The following NEBL variants were observed in gnomAD, a reference collection of about 807,000 sequenced individuals.
NEBL encodes nebulette.
In NEBL, 122 loss-of-function variants were observed where a neutral mutation model predicts 140.2. The observed-to-expected ratio is 0.87, with a 90% CI of 0.75 to 1.01. The LOEUF (loss-of-function observed/expected upper bound fraction) is 1.01. Ranked by LOEUF, NEBL falls within the 50% of genes least tolerant of loss-of-function variation. NEBL has a pLI of 0.00. For missense variants in NEBL, 1,365 were observed against 1,231.3 expected (o/e 1.11, Z -1.62); for synonymous variants, 436 against 398.9 (o/e 1.09, Z -1.11).
At chr10:21,253,059 C>T (rs1380083065) in intron 1 of NEBL, among the ~76,000 whole-genome samples, 4 of 152,096 alleles carry the variant, frequency 2.6e-5, no homozygotes, top group Non-Finnish European at 5.9e-5. Context: ...CGCAAGAGTT[C>T]GAGACCAGTC....
intron 3 of NEBL, among the ~76,000 whole-genome samples, chr10:21,197,174 C>T (rs1307519099): frequency 6.6e-6 from 1 of 152,190 alleles, no homozygotes; most frequent in East Asian, 1.9e-4. Flanking sequence ...CTAGCCATGG[C>T]ACTGAGCCCT....
chr10:21,007,884 T>C (rs1357980916), intron 3 of NEBL, among the ~76,000 whole-genome samples: 1 of 152,210 alleles, frequency 6.6e-6, no homozygotes, highest in Non-Finnish European at 1.5e-5. Context: ...TTACAGTTTT[T>C]CACATTCGCT....
At chr10:20,822,359 A>G (rs924147131) in intron 19 of NEBL, among the ~76,000 whole-genome samples, 39 of 151,916 alleles carry the variant, frequency 2.6e-4, no homozygotes, top group Non-Finnish European at 5.9e-5. Flanking sequence ...CTATCTATCT[A>G]TAGGTCTATC....
At chr10:20,999,273 A>G (rs183306568) in intron 3 of NEBL, among the ~76,000 whole-genome samples, 1 of 152,226 alleles carries the variant, frequency 6.6e-6, no homozygotes, top group African/African-American at 2.4e-5. Flanking sequence ...GAAGACCTGC[A>G]GTGATGCTAT....
At chr10:21,103,948 C>G (rs1325161888) in intron 2 of NEBL, among the ~76,000 whole-genome samples, 4 of 152,084 alleles carry the variant, frequency 2.6e-5, no homozygotes, top group African/African-American at 9.7e-5. Context: ...TGATATGTTT[C>G]AAGTTAATTC....
At chr10:20,895,934 C>T (rs1156709062) in intron 2 of NEBL, among the ~76,000 whole-genome samples, 3 of 152,122 alleles carry the variant, frequency 2.0e-5, no homozygotes, top group Admixed American at 6.6e-5. Flanking sequence ...ATAAATGTTA[C>T]AGCTGAGGGA....
chr10:21,280,474 T>A (rs1384763273), intron 1 of NEBL, among the ~76,000 whole-genome samples: 1 of 151,828 alleles, frequency 6.6e-6, no homozygotes, highest in Non-Finnish European at 1.5e-5. Flanking sequence ...AAAAGGCAGA[T>A]AGGAAGGTGG....
At chr10:21,203,718 C>T (rs957282796) in intron 3 of NEBL, among the ~76,000 whole-genome samples, 1 of 152,176 alleles carries the variant, frequency 6.6e-6, no homozygotes, top group Non-Finnish European at 1.5e-5. Flanking sequence ...GATGGCCCCT[C>T]GAAAAGGACA....
intron 4 of NEBL, among the ~76,000 whole-genome samples, chr10:20,929,296 G>A (rs1262712892): frequency 6.6e-6 from 1 of 151,572 alleles, no homozygotes; most frequent in Non-Finnish European, 1.5e-5. Context: ...ACTGATTAAA[G>A]GAACTTCAAT....
intron 4 of NEBL, among the ~76,000 whole-genome samples, chr10:20,911,101 T>C (rs1436508723): frequency 6.6e-6 from 1 of 151,826 alleles, no homozygotes; most frequent in Admixed American, 6.6e-5. Flanking sequence ...GAGGTGGAGG[T>C]TGCAGTGAGC....
intron 7 of NEBL, 150 bp downstream of exon 7, chr10:20,868,514 T>C (rs1844556223): frequency 1.5e-6 from 1 of 672,434 alleles, no homozygotes; most frequent in Non-Finnish European, 2.7e-6. Flanking sequence ...AAATTCATAA[T>C]GATTGCAAGC....
intron 1 of NEBL, among the ~76,000 whole-genome samples, chr10:21,271,004 A>G (rs993453242): frequency 6.6e-6 from 1 of 152,230 alleles, no homozygotes; most frequent in African/African-American, 2.4e-5. Context: ...CATATCATCC[A>G]GCAATCTCAC....
At chr10:21,044,301 G>A (rs1213173529) in intron 2 of NEBL, among the ~76,000 whole-genome samples, 3 of 150,228 alleles carry the variant, frequency 2.0e-5, no homozygotes, top group East Asian at 2.0e-4. Flanking sequence ...GGAGGCTGAG[G>A]CAGGAGAATC....
chr10:21,277,089 A>C (rs1842934006), intron 1 of NEBL, among the ~76,000 whole-genome samples: 1 of 152,060 alleles, frequency 6.6e-6, no homozygotes, highest in Admixed American at 6.6e-5. Context: ...TGATGACACT[A>C]CTGTACTCCA....
At chr10:21,210,292 G>T (rs929935677) in intron 3 of NEBL, among the ~76,000 whole-genome samples, 1 of 152,128 alleles carries the variant, frequency 6.6e-6, no homozygotes, top group South Asian at 2.1e-4. Context: ...TACTAGTGAG[G>T]CTGAGGCAGG....
At chr10:20,942,298 A>G (rs1026627984) in intron 4 of NEBL, among the ~76,000 whole-genome samples, 8 of 152,228 alleles carry the variant, frequency 5.3e-5, no homozygotes, top group African/African-American at 1.9e-4. Flanking sequence ...ATCTACAACC[A>G]TCTGTTCTTT....
At chr10:21,013,757 A>C (rs1186122279) in intron 3 of NEBL, among the ~76,000 whole-genome samples, 4 of 152,148 alleles carry the variant, frequency 2.6e-5, no homozygotes, top group Non-Finnish European at 5.9e-5. Flanking sequence ...GCGCACCTAT[A>C]ATCCCATCTA....
chr10:20,868,268 T>G (rs1299692672), intron 7 of NEBL: 1 of 155,872 alleles, frequency 6.4e-6, no homozygotes, highest in African/African-American at 2.4e-5. Context: ...CAAAAGCACT[T>G]GAAAATTGGG....
At chr10:21,059,337 T>C (rs936834361) in intron 2 of NEBL, among the ~76,000 whole-genome samples, 1 of 152,216 alleles carries the variant, frequency 6.6e-6, no homozygotes, top group Non-Finnish European at 1.5e-5. Flanking sequence ...AGTTCCAGGA[T>C]GAAAATGTTA....
Sources: allele counts gnomAD v4.1 joint callset (sites outside exome capture counted in the v4.1 genomes callset), GRCh38; gene constraint gnomAD v4.1.1; transcripts MANE v1.5; gene names NCBI Gene and HGNC (gene_info 2026-07-23, HGNC 2026-07-21).